Variants in WDHD1 observed in about 807,000 individuals in gnomAD.
WDHD1 encodes WD repeat and HMG-box DNA binding protein 1, also known as WD repeat and HMG-box DNA-binding protein 1.
Under a neutral mutation model 135.4 loss-of-function variants are expected in WDHD1, and 111 were observed. The observed-to-expected ratio is 0.82, with a 90% confidence interval of 0.70 to 0.96. The LOEUF is 0.96. WDHD1 is among the 40% of genes least tolerant of loss of function. The probability of loss-of-function intolerance (pLI) is 0.00; values close to 1 mark genes in which losing one functional copy is unlikely to be tolerated. For missense variants in WDHD1, 1,351 were observed against 1,336.3 expected, an observed-to-expected ratio of 1.01 and a Z score of -0.17; for synonymous variants, 434 against 439.0, an observed-to-expected ratio of 0.99 and a Z score of 0.14.
intron 7 of WDHD1, among the ~76,000 whole-genome samples, chr14:55,004,424 T>G (rs893528667): frequency 6.6e-6 from 1 of 152,204 alleles, no homozygotes; most frequent in Admixed American, 6.5e-5. Context: ...ATTTTCCACA[T>G]GGACTTTCCC....
Position 55,013,543 on chromosome 14 carries a change from T to C in WDHD1, c.131A>G (p.Asp44Gly), listed in dbSNP as rs774079174. The C allele has an allele frequency of 6.2e-7, 1 of 1,614,072 alleles. No individual in the cohort carries two copies. Among genetic ancestry groups the C allele is most frequent in the Non-Finnish European group, 8.5e-7 (1 of 1,179,998 alleles). ...DGDVRIWEDL[D>G]DDDPKFINVG... ...ATTAATGAACTTAGGATCATCATCA[T>C]CCAAGTCTTCCCAAATCCTCACATC... Residue 44 changes from aspartate (D) to glycine (G), a missense_variant, in exon 3 of 26, where the codon GAT becomes GGT. Physicochemically the swap from Asp to Gly is moderately conservative, Grantham distance 94 (BLOSUM62 -1). Coordinates refer to ENST00000360586, the MANE Select transcript of WDHD1 (RefSeq NM_007086.4).
chr14:54,979,740 T>C (rs963911292), intron 16 of WDHD1, among the ~76,000 whole-genome samples: 1 of 152,240 alleles, frequency 6.6e-6, no homozygotes, highest in Admixed American at 6.5e-5. Flanking sequence ...TAAAAATGAA[T>C]ACAGAGAAAA....
At chr14:55,002,012 T>G in intron 8 of WDHD1, 81 bp downstream of exon 8, 5 of 988,038 alleles carry the variant, frequency 5.1e-6, no homozygotes, top group Non-Finnish European at 7.8e-6. Context: ...TCCAATAATA[T>G]TTAACTGCAA....
At chr14:55,007,456 T>A in intron 6 of WDHD1, 81 bp from the exon 7 acceptor site, 1 of 1,032,146 alleles carries the variant, frequency 9.7e-7, no homozygotes, top group Non-Finnish European at 1.4e-6. Flanking sequence ...TATTTAAAGG[T>A]TCTTCAAATC....
chr14:54,989,206 T>G lies in WDHD1; in HGVS notation c.1348A>C (p.Asn450His). 6.2e-7 allele frequency: 1 copy of G among 1,611,186 alleles called. No homozygotes were observed. The highest frequency in any genetic ancestry group is 8.5e-7 in the Non-Finnish European group (1 of 1,178,716). Residue 450 changes from asparagine to histidine, a missense_variant, in exon 13 of 26, where the codon AAC (asparagine) becomes CAC (histidine). Physicochemically the swap from Asn to His is moderately conservative, Grantham distance 68 (BLOSUM62 1). Around this residue, in one of 2 missense-constraint regions of WDHD1, gnomAD observed 1,330 missense variants for 1,296.1 expected, o/e 1.03. Coordinates refer to ENST00000360586, the MANE Select transcript of WDHD1 (RefSeq NM_007086.4). ...LHLTHRFMVW[N>H]SIGIIRCYND... ...TAGCAGCGAATAATTCCAATAGAGTTCCACACCTACAAACAGGTAAGATTA... is the reference window on the plus strand; with the variant it reads ...TAGCAGCGAATAATTCCAATAGAGTGCCACACCTACAAACAGGTAAGATTA...
chr14:55,008,290 CTTTAAA>C lies in WDHD1; in HGVS notation c.504+20_504+25del, dbSNP rs745356547. The C allele has an allele frequency of 2.1e-5, 33 of 1,606,582 alleles. No individual in the cohort carries two copies. The highest frequency in any genetic ancestry group is 2.6e-5 in the Non-Finnish European group (31 of 1,176,556). On this transcript the variant is annotated intron_variant, in intron 6 of 25. Transcript: ENST00000360586. ...ATTTATTACAGAAATGGGCAAAAAA[CTTTAAA>C]TTTAAATTGCTGAGTTTACCTGATC...
chr14:54,966,352 C>CAAAAA, intron 18 of WDHD1, 123 bp downstream of exon 18: 3 of 1,232,154 alleles, frequency 2.4e-6, no homozygotes, highest in Non-Finnish European at 2.1e-6. Context: ...ACAACAACAA[C>CAAAAA]AACAAAAAAA....
At chr14:54,946,818 C>G (rs1007716420) in intron 24 of WDHD1, among the ~76,000 whole-genome samples, 4 of 151,776 alleles carry the variant, frequency 2.6e-5, no homozygotes, top group African/African-American at 9.7e-5. Context: ...CCGAGATGGG[C>G]AAATCGCTTG....
Position 55,026,779 on chromosome 14 carries a change from G to A in WDHD1, c.9C>T (p.Ala3=). 6.2e-7 allele frequency: 1 copy of A among 1,614,168 alleles called. No homozygotes were observed. Among genetic ancestry groups the A allele is most frequent in the Non-Finnish European group, 8.5e-7 (1 of 1,180,032 alleles). The change falls in exon 2 of 26, where the codon GCC becomes GCT. Residue 3 remains alanine (A), a synonymous_variant. Coordinates refer to ENST00000360586, the MANE Select transcript of WDHD1 (RefSeq NM_007086.4). MP[A]TRKPMRYGHT... ...GCCCATATCTCATTGGCTTCCGTGT[G>A]GCAGGCATGTTTTCCTTTACCTATC...
At chr14:54,974,924 G>A (rs948534589) in intron 16 of WDHD1, among the ~76,000 whole-genome samples, 3 of 152,166 alleles carry the variant, frequency 2.0e-5, no homozygotes, top group Non-Finnish European at 4.4e-5. Context: ...GTGTTGGACC[G>A]GACTGTCTTC....
intron 16 of WDHD1, among the ~76,000 whole-genome samples, chr14:54,980,045 C>G (rs1385628065): frequency 6.6e-6 from 1 of 152,186 alleles, no homozygotes; most frequent in Non-Finnish European, 1.5e-5. Flanking sequence ...TACAATTCAG[C>G]CAGGCACAGT....
chr14:54,980,785 CAG>C (rs1566724124), intron 16 of WDHD1, among the ~76,000 whole-genome samples: 1 of 122,794 alleles, frequency 8.1e-6, no homozygotes, highest in Non-Finnish European at 1.6e-5. Flanking sequence ...GCCTGGGTGA[CAG>C]AGTGAGACTC....
intron 24 of WDHD1, among the ~76,000 whole-genome samples, chr14:54,955,154 A>G (rs1004923643): frequency 6.6e-6 from 1 of 152,238 alleles, no homozygotes; most frequent in Non-Finnish European, 1.5e-5. Context: ...GCACATAAAT[A>G]GAATAATTTT....
At chr14:54,967,217 A>C (rs2041358976) in intron 17 of WDHD1, 63 bp downstream of exon 17, 1 of 1,252,232 alleles carries the variant, frequency 8.0e-7, no homozygotes, top group African/African-American at 1.5e-5. Flanking sequence ...ATAATTTTAA[A>C]GTGTGTGTAT....
intron 14 of WDHD1, among the ~76,000 whole-genome samples, chr14:54,986,371 C>T (rs2041694255): frequency 6.6e-6 from 1 of 152,102 alleles, no homozygotes; most frequent in South Asian, 2.1e-4. Flanking sequence ...CTTGCTATTG[C>T]TATCCAGACT....
chr14:54,954,058 A>G (rs554492815), intron 24 of WDHD1, among the ~76,000 whole-genome samples: 2 of 152,232 alleles, frequency 1.3e-5, no homozygotes, highest in South Asian at 2.1e-4. Context: ...GCACATGTGT[A>G]CATATGTAAC....
intron 2 of WDHD1, among the ~76,000 whole-genome samples, chr14:55,023,863 T>C (rs754946585): frequency 2.0e-5 from 3 of 152,218 alleles, no homozygotes; most frequent in Non-Finnish European, 4.4e-5. Flanking sequence ...ATCTTTATGT[T>C]TGTTTACATT....
In WDHD1 at chr14:54,967,370, C is replaced by T. The variant is rs1449369033; in HGVS notation, c.2088G>A (p.Arg696=). The change falls in exon 17 of 26, where the codon CGG becomes CGA. Residue 696 remains arginine, a synonymous_variant. Transcript: ENST00000360586. ...CAGGGCGTGGAAGGGTTGGGGGAAA[C>T]CGAGAACCTTTACAAGGAATGCACC... is the stretch of plus-strand genomic sequence containing the variant. ...QLRCIPCKGS[R]FPPTLPRPAV... The T allele has an allele frequency of 1.2e-6, 2 of 1,610,894 alleles. No homozygotes were observed. Among genetic ancestry groups the T allele is most frequent in the Non-Finnish European group, 1.7e-6 (2 of 1,178,478 alleles).
intron 2 of WDHD1, among the ~76,000 whole-genome samples, chr14:55,015,594 T>C (rs1219483328): frequency 1.3e-5 from 2 of 152,064 alleles, no homozygotes; most frequent in South Asian, 2.1e-4. Flanking sequence ...ATGTGAGGCA[T>C]TCAATAAAAA....
Sources: allele counts gnomAD v4.1 joint callset (sites outside exome capture counted in the v4.1 genomes callset), GRCh38; gene constraint gnomAD v4.1.1; regional missense constraint gnomAD v4.1.1; transcripts MANE v1.5; gene names NCBI Gene and HGNC (gene_info 2026-07-23, HGNC 2026-07-21).